ICA1L: variants seen among roughly 807,000 people sequenced by gnomAD.
ICA1L encodes islet cell autoantigen 1 like.
In ICA1L, 50 loss-of-function variants were observed where a neutral mutation model predicts 61.3. The observed-to-expected ratio is 0.82, with a 90% confidence interval of 0.65 to 1.03. The LOEUF is 1.03. Among genes scored for constraint, ICA1L ranks in the 50% least tolerant of loss-of-function variants. The pLI is 0.00. For synonymous variants in ICA1L, 161 were observed against 191.3 expected (o/e 0.84, Z 1.31); for missense variants, 508 against 556.7 (o/e 0.91, Z 0.88).
chr2:202,814,781 G>C lies in ICA1L; in HGVS notation c.787C>G (p.Leu263Val). 6.2e-7 allele frequency: 1 copy of C among 1,609,700 alleles called. No homozygotes were observed. The highest frequency in any genetic ancestry group is 1.7e-4 in the Middle Eastern group (1 of 6,040). Residue 263 changes from leucine to valine, a missense_variant, in exon 8 of 13, where the codon CTA (leucine) becomes GTA (valine). By Grantham distance (32) the Leu-to-Val change is conservative. Transcript: ENST00000358299. ...HPYDFVALKQ[L>V]QDTPSKISED... Reference sequence around the variant, plus strand: ...CTAATCTTGCTTGGCGTGTCTTGTAGTTGCTAAAGATAAGAAAGTCAATGT... The same window carrying C: ...CTAATCTTGCTTGGCGTGTCTTGTACTTGCTAAAGATAAGAAAGTCAATGT...
intron 7 of ICA1L, 35 bp from the exon 8 acceptor site, chr2:202,814,819 A>G (rs1202099823): frequency 7.4e-7 from 1 of 1,354,872 alleles, no homozygotes; most frequent in Admixed American, 1.8e-5. Context: ...AGTATATAGA[A>G]TGAATCTGTT....
rs2105808243 is a variant in ICA1L at position 202,775,165 on chromosome 2, A to C, written c.*4368T>G. The C allele has an allele frequency of 6.6e-6, 1 of 152,374 alleles. No individual in the cohort carries two copies. Among genetic ancestry groups the C allele is most frequent in the East Asian group, 1.9e-4 (1 of 5,186 alleles). 9.4% of individuals were successfully genotyped at this position (152,374 alleles called of 1,614,324 possible). On this transcript the variant is annotated 3_prime_UTR_variant, in exon 13 of 13. Transcript: ENST00000358299. The stretch of plus-strand genomic sequence containing the variant: ...GTTTAAGCACTTTACTGTTGCATGA[A>C]ATGCATTACTTTCAGTTCTACTAAA...
In ICA1L at chr2:202,779,918, T is replaced by TATAG. The variant is rs572017241; in HGVS notation, c.1334-274_1334-271dup. 5.1e-4 allele frequency among the ~76,000 whole-genome samples: 77 copies of TATAG among 151,924 alleles called. 2 individuals carry two copies. The South Asian group carries it at 0.015, about 29-fold the overall frequency. On this transcript the variant is annotated intron_variant, in intron 12 of 12. Transcript: ENST00000358299. Reference sequence around the variant, plus strand: ...CCTCAGCCTCCGAGAACACTAGGATTATAGGCCTGAACCACTGCTCCTGGT... The same window carrying TATAG: ...CCTCAGCCTCCGAGAACACTAGGATTATAGATAGGCCTGAACCACTGCTCCTGGT...
rs763702617 is a variant in ICA1L, at chr2:202,779,586, G to A, written c.1396C>T (p.Leu466Phe). Residue 466 changes from leucine to phenylalanine, a missense_variant, in exon 13 of 13, where the codon CTT becomes TTT. By Grantham distance (22) the Leu-to-Phe change is conservative (BLOSUM62 0). Coordinates refer to ENST00000358299, the MANE Select transcript of ICA1L (RefSeq NM_001288622.3). ...WFNLFADLDP[L>F]SNPDAIGHSD... Reference sequence around the variant, plus strand: ...TGTCCAATAGCATCTGGGTTTGAAAGTGGATCCAAGTCTGCAAACAGATTG... The same window carrying A: ...TGTCCAATAGCATCTGGGTTTGAAAATGGATCCAAGTCTGCAAACAGATTG... 6.2e-7 allele frequency: 1 copy of A among 1,613,736 alleles called. No homozygotes were observed. The highest frequency in any genetic ancestry group is 1.7e-5 in the Admixed American group (1 of 59,876).
intron 3 of ICA1L, among the ~76,000 whole-genome samples, chr2:202,823,939 GGATTT>G (rs1693765368): frequency 1.3e-5 from 2 of 152,014 alleles, no homozygotes; most frequent in Non-Finnish European, 2.9e-5. Flanking sequence ...ATGCTTTATT[GGATTT>G]ATTTCTTTAA....
chr2:202,810,636 G>A (rs1158833377), intron 9 of ICA1L, among the ~76,000 whole-genome samples: 1 of 151,230 alleles, frequency 6.6e-6, no homozygotes, highest in Non-Finnish European at 1.5e-5. Context: ...GCAATGTCCA[G>A]GGAACAAGAG....
At chr2:202,823,012 T>C (rs538552755) in intron 3 of ICA1L, among the ~76,000 whole-genome samples, 3 of 152,350 alleles carry the variant, frequency 2.0e-5, no homozygotes, top group South Asian at 4.1e-4. Flanking sequence ...TCATAAAATA[T>C]ACCTCAATTA....
chr2:202,797,019 A>G lies in ICA1L; in HGVS notation c.911-55T>C, dbSNP rs545194035. 1,682 of 1,146,508 alleles carry G rather than the reference A, an allele frequency of 1.5e-3. 12 individuals carry two copies. The highest frequency in any genetic ancestry group is 8.5e-4 in the Middle Eastern group (4 of 4,732). The allele number at this position is 1,146,508 out of a possible 1,614,324, so 71.0% of individuals were successfully genotyped here. ...GAACAAGAAGAAATTCAGCAAGCTT[A>G]TTTACTGTAATAGTCTATCATTAGG... is the stretch of plus-strand genomic sequence containing the variant. On this transcript the variant is annotated intron_variant, in intron 9 of 12. Transcript: ENST00000358299.
At chr2:202,823,367 T>G (rs1693749791) in intron 3 of ICA1L, among the ~76,000 whole-genome samples, 1 of 152,206 alleles carries the variant, frequency 6.6e-6, no homozygotes. Context: ...AATCTTGAAG[T>G]GAAAATACAC....
intron 1 of ICA1L, among the ~76,000 whole-genome samples, chr2:202,868,770 C>T (rs1419802549): frequency 6.6e-6 from 1 of 150,984 alleles, no homozygotes; most frequent in Non-Finnish European, 1.5e-5. Context: ...AGTTCGAGAC[C>T]AGCCTGAACA....
intron 10 of ICA1L, among the ~76,000 whole-genome samples, chr2:202,789,724 T>G (rs1033979292): frequency 4.6e-5 from 7 of 152,234 alleles, no homozygotes; most frequent in African/African-American, 1.7e-4. Flanking sequence ...GAAAAGGGAA[T>G]GGACTTTCGG....
At chr2:202,788,004 A>G (rs535798935) in intron 11 of ICA1L, among the ~76,000 whole-genome samples, 49 of 152,374 alleles carry the variant, frequency 3.2e-4, no homozygotes, top group Non-Finnish European at 6.2e-4. Flanking sequence ...AGATAGATGC[A>G]TCAGAGGGCT....
In ICA1L at chr2:202,788,859, AG is replaced by A. The variant is rs756823873; in HGVS notation, c.1213del (p.Gly406AlafsTer37). ...SRFLPSQLFDLGFHVAGAFNN... is the reference protein window; with the variant it reads ...SRFLPSQLFDXGFHVAGAFNN... ...GAACGCTCCAGCCACATGAAAGCCA[AG>A]GTCAAAGAGTTGTGAAGGAAGGAAT... is the stretch of plus-strand genomic sequence containing the variant. On this transcript the variant is annotated frameshift_variant, in exon 11 of 13. Coordinates refer to ENST00000358299, the MANE Select transcript of ICA1L (RefSeq NM_001288622.3). LOFTEE classifies it high-confidence loss of function. 1.9e-6 allele frequency: 3 copies of A among 1,614,120 alleles called. No homozygotes were observed. In the South Asian group the frequency reaches 3.3e-5, roughly 18 times the overall value.
chr2:202,867,462 T>C (rs1337309644), intron 1 of ICA1L, among the ~76,000 whole-genome samples: 1 of 152,228 alleles, frequency 6.6e-6, no homozygotes, highest in Non-Finnish European at 1.5e-5. Context: ...AACACAATGA[T>C]GGTAAGTATT....
chr2:202,801,365 G>T (rs1693082563), intron 9 of ICA1L, among the ~76,000 whole-genome samples: 1 of 152,118 alleles, frequency 6.6e-6, no homozygotes, highest in Admixed American at 6.6e-5. Context: ...CATGAAATTG[G>T]GATTAAGATA....
chr2:202,799,947 G>A (rs1317743641), intron 9 of ICA1L, among the ~76,000 whole-genome samples: 2 of 150,696 alleles, frequency 1.3e-5, no homozygotes, highest in African/African-American at 2.4e-5. Context: ...GCACGATCTC[G>A]GCTCACTGCA....
At chr2:202,821,536 CAT>C (rs1252090131) in intron 3 of ICA1L, 55 bp from the exon 4 acceptor site, 71 of 1,350,576 alleles carry the variant, frequency 5.3e-5, no homozygotes, top group Non-Finnish European at 7.1e-5. Flanking sequence ...TTGTTTAAAA[CAT>C]ACACACAACT....
intron 10 of ICA1L, among the ~76,000 whole-genome samples, chr2:202,791,542 C>G (rs1411400840): frequency 6.6e-6 from 1 of 152,116 alleles, no homozygotes; most frequent in Non-Finnish European, 1.5e-5. Context: ...CAAATCAAAG[C>G]TACAAATTAA....
At position 202,811,710 on chromosome 2, in the gene ICA1L, T is replaced by C; in HGVS notation, c.910+36A>G. 2 of 1,319,476 alleles carry C rather than the reference T, an allele frequency of 1.5e-6. 1 individual carries two copies. Among genetic ancestry groups the C allele is most frequent in the Non-Finnish European group, 2.1e-6 (2 of 935,938 alleles). 81.7% of individuals were successfully genotyped at this position (1,319,476 alleles called of 1,614,324 possible). ...TGATAAACTATTTTGACATTTAAAA[T>C]GTGACCATTTCAAAGTAATAAATTT... On this transcript the variant is annotated intron_variant, in intron 9 of 12. Coordinates refer to ENST00000358299, the MANE Select transcript of ICA1L (RefSeq NM_001288622.3).
Sources: gnomAD v4.1 joint callset for allele counts (sites outside exome capture counted in the v4.1 genomes callset) on GRCh38, gnomAD v4.1.1 for gene constraint, MANE v1.5 for transcripts, NCBI Gene and HGNC (gene_info 2026-07-23, HGNC 2026-07-21) for gene names.